The following PTGR2 variants were observed in gnomAD, a reference collection of about 807,000 sequenced individuals.
PTGR2 encodes 15-oxoprostaglandin 13-reductase.
PTGR2 carries 32 observed loss-of-function variants against 43.4 expected under a neutral mutation model. The observed-to-expected ratio is 0.74, with a 90% CI of 0.56 to 0.99. PTGR2 has a LOEUF of 0.99. PTGR2 is among the 50% of genes least tolerant of loss of function. PTGR2 has a pLI of 0.00. For synonymous variants in PTGR2, 106 were observed against 139.2 expected (o/e 0.76, Z 1.68); for missense variants, 373 against 420.0 (o/e 0.89, Z 0.98).
intron 6 of PTGR2, chr14:73,879,508 A>G (rs1358403785): frequency 1.2e-5 from 6 of 507,290 alleles, no homozygotes; most frequent in Non-Finnish European, 2.1e-5. Context: ...ATGAACTTCA[A>G]TTTCAGTTAT....
chr14:73,864,349 C>T (rs539146038), intron 3 of PTGR2, among the ~76,000 whole-genome samples: 2 of 152,250 alleles, frequency 1.3e-5, no homozygotes, highest in South Asian at 4.1e-4. Flanking sequence ...ATATGTTTAA[C>T]CTTTTGAGGA....
intron 1 of PTGR2, among the ~76,000 whole-genome samples, chr14:73,857,521 G>A (rs1784376812): frequency 6.6e-6 from 1 of 151,864 alleles, no homozygotes; most frequent in Admixed American, 6.6e-5. Flanking sequence ...AGCTGAGGCA[G>A]GAGAATTGTT....
Position 73,881,300 on chromosome 14 carries a change from T to G in PTGR2, c.939+8T>G, listed in dbSNP as rs756185573. 2.8e-5 allele frequency: 43 copies of G among 1,511,494 alleles called. No homozygotes were observed. The highest frequency in any genetic ancestry group is 3.6e-5 in the Non-Finnish European group (39 of 1,087,948). 93.6% of individuals were successfully genotyped at this position (1,511,494 alleles called of 1,614,324 possible). The stretch of plus-strand genomic sequence containing the variant: ...AAAGAAGGAAAGCTAAAGGTAGAAC[T>G]TCTATTCTTTATCAATATAATTCTT... On this transcript the variant is annotated splice_region_variant and intron_variant, in intron 8 of 9. Coordinates refer to ENST00000555661, the MANE Select transcript of PTGR2 (RefSeq NM_001146154.2).
intron 2 of PTGR2, 40 bp downstream of exon 2, chr14:73,858,939 A>G (rs2140236597): frequency 1.3e-6 from 2 of 1,538,196 alleles, no homozygotes; most frequent in Non-Finnish European, 9.0e-7. Flanking sequence ...GATCTTTGAT[A>G]AGTATTAATG....
chr14:73,880,929 T>C (rs1020480419), intron 7 of PTGR2, among the ~76,000 whole-genome samples: 9 of 152,188 alleles, frequency 5.9e-5, no homozygotes, highest in African/African-American at 2.2e-4. Flanking sequence ...CCCGAGTAGC[T>C]GGGACTACAG....
Position 73,882,393 on chromosome 14 carries a change from T to A in PTGR2, c.940-6T>A. 2 of 1,551,842 alleles carry A rather than the reference T, an allele frequency of 1.3e-6. No homozygotes were observed. Among genetic ancestry groups the A allele is most frequent in the Non-Finnish European group, 1.8e-6 (2 of 1,126,142 alleles). ...GACTATTAAATCTAGCTATTTTGATTTACAGATTAAAGAGACGGTAATAAA... is the reference window on the plus strand; with the variant it reads ...GACTATTAAATCTAGCTATTTTGATATACAGATTAAAGAGACGGTAATAAA... On this transcript the variant is annotated splice_polypyrimidine_tract_variant and splice_region_variant and intron_variant, in intron 8 of 9. Transcript: ENST00000555661.
At chr14:73,877,276 A>T (rs943485018) in intron 5 of PTGR2, 108 bp downstream of exon 5, 31 of 1,078,098 alleles carry the variant, frequency 2.9e-5, no homozygotes, top group South Asian at 1.1e-4. Context: ...AATTGGATAA[A>T]TTTTTTTTTT....
intron 9 of PTGR2, 137 bp from the exon 10 acceptor site, chr14:73,883,964 A>G (rs2140281875): frequency 4.8e-6 from 3 of 629,378 alleles, no homozygotes; most frequent in Non-Finnish European, 8.2e-6. Flanking sequence ...ATTTCTTTTC[A>G]TGACCATTTT....
At chr14:73,880,398 C>A (rs531862736) in intron 7 of PTGR2, 4 of 431,264 alleles carry the variant, frequency 9.3e-6, no homozygotes, top group Non-Finnish European at 1.7e-5. Flanking sequence ...CATGGTGAAA[C>A]CCCTTCTCTA....
chr14:73,863,494 A>T (rs747395486), intron 3 of PTGR2, among the ~76,000 whole-genome samples: 3 of 151,956 alleles, frequency 2.0e-5, no homozygotes, highest in Non-Finnish European at 2.9e-5. Flanking sequence ...AAAATTTTTT[A>T]AAAAAACATT....
At position 73,859,190 on chromosome 14, in the gene PTGR2, T is replaced by C. The variant is rs75579296; in HGVS notation, c.37+291T>C. Among the ~76,000 whole-genome samples, 656 of 152,266 alleles carry C rather than the reference T, an allele frequency of 4.3e-3. 9 individuals are homozygous for C. Among genetic ancestry groups the C allele is most frequent in the African/African-American group, 0.015 (634 of 41,510 alleles). ...TCTGAAAGGTTACATTACAAATATA[T>C]GTGGCTTTTGTTTCTTTAGAGTATG... is the stretch of plus-strand genomic sequence containing the variant. On this transcript the variant is annotated intron_variant, in intron 2 of 9. Coordinates refer to ENST00000555661, the MANE Select transcript of PTGR2 (RefSeq NM_001146154.2).
intron 3 of PTGR2, among the ~76,000 whole-genome samples, chr14:73,872,865 T>C (rs2054768741): frequency 1.3e-5 from 2 of 151,592 alleles, no homozygotes; most frequent in Non-Finnish European, 2.9e-5. Context: ...TAGTCCCAGC[T>C]ATGCGGGAGG....
chr14:73,852,788 A>G (rs1007316774), intron 1 of PTGR2, among the ~76,000 whole-genome samples: 2 of 152,046 alleles, frequency 1.3e-5, no homozygotes, highest in African/African-American at 4.8e-5. Flanking sequence ...CCGGAAGGGG[A>G]GGAGAAGACT....
intron 3 of PTGR2, 39 bp from the exon 4 acceptor site, chr14:73,873,984 A>G (rs367814134): frequency 8.2e-5 from 123 of 1,496,604 alleles, no homozygotes; most frequent in African/African-American, 3.4e-4. Context: ...GTGGTTTGAC[A>G]TTATTGGATA....
rs755058907 is a variant in PTGR2 at position 73,874,226 on chromosome 14, A to G, written c.348+12A>G. ...ATAGCCTTGAAAAGGTGATATATAT[A>G]TGAACATATCTGATTTTTTTTCCCC... On this transcript the variant is annotated intron_variant, in intron 4 of 9. Coordinates refer to ENST00000555661, the MANE Select transcript of PTGR2 (RefSeq NM_001146154.2). 146 of 1,575,046 alleles carry G rather than the reference A, an allele frequency of 9.3e-5. No homozygotes were observed. The highest frequency in any genetic ancestry group is 1.2e-4 in the Non-Finnish European group (144 of 1,155,052).
At chr14:73,860,231 G>A (rs984293420) in intron 2 of PTGR2, among the ~76,000 whole-genome samples, 3 of 151,968 alleles carry the variant, frequency 2.0e-5, no homozygotes, top group Non-Finnish European at 2.9e-5. Context: ...ACTATGGGAG[G>A]CCAAGGTGGG....
At position 73,869,894 on chromosome 14, in the gene PTGR2, C is replaced by T. The variant is rs1007648620; in HGVS notation, c.157-4129C>T. Reference sequence around the variant, plus strand: ...TACAAAAATTAGCCAGGCGTGGTGGCATGTGCCTGTTATCTCAGCTACTCA... The same window carrying T: ...TACAAAAATTAGCCAGGCGTGGTGGTATGTGCCTGTTATCTCAGCTACTCA... On this transcript the variant is annotated intron_variant, in intron 3 of 9. Coordinates refer to ENST00000555661, the MANE Select transcript of PTGR2 (RefSeq NM_001146154.2). Among the ~76,000 whole-genome samples, 3 of 152,228 alleles carry T rather than the reference C, an allele frequency of 2.0e-5. No homozygotes were observed. In the South Asian group the frequency reaches 6.2e-4, roughly 32 times the overall value.
At chr14:73,874,792 G>A (rs1009386583) in intron 4 of PTGR2, among the ~76,000 whole-genome samples, 3 of 152,154 alleles carry the variant, frequency 2.0e-5, no homozygotes, top group African/African-American at 7.2e-5. Flanking sequence ...TCTTATTGTA[G>A]ATAAAGTCTC....
chr14:73,862,666 C>T (rs549765942), intron 3 of PTGR2, among the ~76,000 whole-genome samples: 3 of 152,236 alleles, frequency 2.0e-5, no homozygotes, highest in Non-Finnish European at 4.4e-5. Flanking sequence ...CTATTAAAGA[C>T]GTCACTACTG....
Sources: gnomAD v4.1 joint callset for allele counts (sites outside exome capture counted in the v4.1 genomes callset) on GRCh38, gnomAD v4.1.1 for gene constraint, MANE v1.5 for transcripts, NCBI Gene and HGNC (gene_info 2026-07-23, HGNC 2026-07-21) for gene names.